The following LMCD1 variants were observed in gnomAD, a reference collection of about 807,000 sequenced individuals.
The protein encoded by LMCD1 is LIM and cysteine rich domains 1.
A neutral mutation model predicts 42.7 loss-of-function variants in LMCD1; 32 were observed. That is an observed-to-expected ratio of 0.75 (90% CI 0.57 to 1.01). The LOEUF is 1.01. Ranked by LOEUF, LMCD1 falls within the 50% of genes least tolerant of loss-of-function variation. The probability of loss-of-function intolerance (pLI) is 0.00; values close to 1 mark genes in which losing one functional copy is unlikely to be tolerated. For synonymous variants in LMCD1, 178 were observed against 184.9 expected (o/e 0.96, Z 0.30); for missense variants, 458 against 483.1 (o/e 0.95, Z 0.49).
intron 1 of LMCD1, among the ~76,000 whole-genome samples, chr3:8,531,752 A>T (rs1694416608): frequency 6.6e-6 from 1 of 152,170 alleles, no homozygotes; most frequent in Non-Finnish European, 1.5e-5. Flanking sequence ...CTTATGTTGT[A>T]TTCCTGTGTC....
chr3:8,501,879 C>G lies in LMCD1; in HGVS notation c.-60C>G. On this transcript the variant is annotated 5_prime_UTR_variant, in exon 1 of 6. Transcript: ENST00000157600. ...GGCCATTCAGCCGCCGCTGTCCCCGCTGCGCGCCCTCGCGCCTCTGCCTGA... is the reference window on the plus strand; with the variant it reads ...GGCCATTCAGCCGCCGCTGTCCCCGGTGCGCGCCCTCGCGCCTCTGCCTGA... The G allele has an allele frequency of 1.3e-6, 2 of 1,517,150 alleles. No individual in the cohort carries two copies. Among genetic ancestry groups the G allele is most frequent in the Non-Finnish European group, 1.8e-6 (2 of 1,116,226 alleles). The allele number at this position is 1,517,150 out of a possible 1,614,324, so 94.0% of individuals were successfully genotyped here. A position where few individuals can be genotyped will look rare whatever the true frequency, so the allele number is the denominator to read the frequency against.
Position 8,548,657 on chromosome 3 carries a change from C to A in LMCD1, c.477C>A (p.His159Gln). The change falls in exon 4 of 6, where the codon CAC (histidine) becomes CAA (glutamine). Residue 159 changes from histidine to glutamine, a missense_variant. Coordinates refer to ENST00000157600, the MANE Select transcript of LMCD1 (RefSeq NM_014583.4). ...TTTACCGCCGCCGCCAGCTCATGCACCAGCTCCCCATCTATGACCAGGATC... is the reference window on the plus strand; with the variant it reads ...TTTACCGCCGCCGCCAGCTCATGCAACAGCTCCCCATCTATGACCAGGATC... Reference protein sequence around the residue: ...GAFYRRRQLMHQLPIYDQDPS... With the variant: ...GAFYRRRQLMQQLPIYDQDPS... 1 of 1,614,208 alleles carries A rather than the reference C, an allele frequency of 6.2e-7. No individual in the cohort carries two copies. The highest frequency in any genetic ancestry group is 8.5e-7 in the Non-Finnish European group (1 of 1,180,040).
intron 3 of LMCD1, among the ~76,000 whole-genome samples, chr3:8,541,996 C>G (rs1249852643): frequency 1.6e-5 from 2 of 125,484 alleles, no homozygotes; most frequent in Non-Finnish European, 3.3e-5. Context: ...GACAGAGAGG[C>G]TGGAGCTTTT....
rs193029796 is a variant in LMCD1, at chr3:8,520,354, A to T, written c.43-12383A>T. 2.2e-4 allele frequency among the ~76,000 whole-genome samples: 33 copies of T among 152,308 alleles called. 1 individual carries two copies. The East Asian group carries it at 5.4e-3, about 25-fold the overall frequency. ...AGTAGGTATTGCTGACCTCAAGCTT[A>T]CAGATATATCCTTGAGAAGGAGTCT... On this transcript the variant is annotated intron_variant, in intron 1 of 5. Transcript: ENST00000157600.
intron 5 of LMCD1, among the ~76,000 whole-genome samples, 183 bp downstream of exon 5, chr3:8,565,830 T>TG (rs1346651579): frequency 1.3e-5 from 2 of 152,194 alleles, no homozygotes; most frequent in East Asian, 3.9e-4. Context: ...CAGACAACCA[T>TG]GGGATTGTTG....
intron 2 of LMCD1, among the ~76,000 whole-genome samples, chr3:8,536,849 A>G (rs188930683): frequency 1.3e-5 from 2 of 152,330 alleles, no homozygotes; most frequent in East Asian, 3.9e-4. Flanking sequence ...AGTTTAGGCT[A>G]TGGGCCACAC....
intron 3 of LMCD1, among the ~76,000 whole-genome samples, chr3:8,540,332 G>T (rs1052317655): frequency 3.3e-5 from 5 of 152,194 alleles, no homozygotes; most frequent in African/African-American, 1.2e-4. Flanking sequence ...GTGGATATTT[G>T]TTAAGTATTT....
intron 1 of LMCD1, among the ~76,000 whole-genome samples, chr3:8,515,492 A>G (rs910255312): frequency 6.6e-6 from 1 of 152,148 alleles, no homozygotes; most frequent in African/African-American, 2.4e-5. Flanking sequence ...TGAAGCATCT[A>G]CAGTGGCTGT....
chr3:8,515,408 A>G (rs898571215), intron 1 of LMCD1, among the ~76,000 whole-genome samples: 1 of 152,138 alleles, frequency 6.6e-6, no homozygotes, highest in African/African-American at 2.4e-5. Context: ...GTTCTGACTA[A>G]GTTCTCTGTC....
At chr3:8,514,937 T>G (rs944659871) in intron 1 of LMCD1, 10 of 456,506 alleles carry the variant, frequency 2.2e-5, no homozygotes, top group African/African-American at 2.0e-4. Context: ...GGTGATCACA[T>G]GGGATATACA....
chr3:8,514,100 G>GATAC (rs1694053394), intron 1 of LMCD1, among the ~76,000 whole-genome samples: 2 of 151,474 alleles, frequency 1.3e-5, no homozygotes, highest in African/African-American at 4.9e-5. Flanking sequence ...ATGATTGATA[G>GATAC]ATAGATACAT....
intron 1 of LMCD1, among the ~76,000 whole-genome samples, chr3:8,502,735 G>A (rs1693787839): frequency 6.6e-6 from 1 of 151,966 alleles, no homozygotes; most frequent in Non-Finnish European, 1.5e-5. Context: ...AGAAGGTCAT[G>A]GGTAAACTCC....
chr3:8,559,266 A>G (rs1247258251), intron 4 of LMCD1, among the ~76,000 whole-genome samples: 4 of 152,358 alleles, frequency 2.6e-5, no homozygotes, highest in African/African-American at 9.6e-5. Flanking sequence ...CCTGCCTTCA[A>G]CATATCTTTG....
intron 3 of LMCD1, among the ~76,000 whole-genome samples, chr3:8,538,645 T>G (rs1694557856): frequency 6.6e-6 from 1 of 152,246 alleles, no homozygotes; most frequent in African/African-American, 2.4e-5. Context: ...GGTTCTTTCC[T>G]TGCTCTTCCC....
At chr3:8,506,503 G>A (rs940057327) in intron 1 of LMCD1, among the ~76,000 whole-genome samples, 2 of 152,164 alleles carry the variant, frequency 1.3e-5, no homozygotes, top group African/African-American at 2.4e-5. Context: ...AAGAGGAAAA[G>A]GTAAAGAGTA....
chr3:8,527,778 T>C (rs1430032060), intron 1 of LMCD1, among the ~76,000 whole-genome samples: 2 of 152,194 alleles, frequency 1.3e-5, no homozygotes, highest in African/African-American at 4.8e-5. Context: ...GATACCACTT[T>C]CAAAAAGATA....
intron 1 of LMCD1, 102 bp from the exon 2 acceptor site, chr3:8,532,635 C>G: frequency 1.1e-6 from 1 of 939,152 alleles, no homozygotes; most frequent in East Asian, 2.4e-5. Flanking sequence ...CCTTTGAACC[C>G]CACACAGTCC....
chr3:8,527,225 A>C (rs989612262), intron 1 of LMCD1, among the ~76,000 whole-genome samples: 3 of 152,340 alleles, frequency 2.0e-5, no homozygotes, highest in Middle Eastern at 3.4e-3. Context: ...ATCACTGGGA[A>C]AGATAAAACA....
At chr3:8,510,111 A>G (rs2125010748) in intron 1 of LMCD1, among the ~76,000 whole-genome samples, 1 of 152,316 alleles carries the variant, frequency 6.6e-6, no homozygotes, top group South Asian at 2.1e-4. Flanking sequence ...CTGCCCTTAG[A>G]AGAGAGCATC....
Sources: allele counts gnomAD v4.1 joint callset (sites outside exome capture counted in the v4.1 genomes callset), GRCh38; gene constraint gnomAD v4.1.1; transcripts MANE v1.5; gene names NCBI Gene and HGNC (gene_info 2026-07-23, HGNC 2026-07-21).